Variants in DGLUCY observed in about 807,000 individuals in gnomAD.
DGLUCY encodes D-glutamate cyclase, mitochondrial.
In DGLUCY, 58 loss-of-function variants were observed where a neutral mutation model predicts 58.5. That is an observed-to-expected ratio of 0.99 (90% CI 0.80 to 1.23). DGLUCY has a LOEUF of 1.23. DGLUCY is among the 50% of genes most tolerant of loss of function. The pLI is 0.00. For missense variants in DGLUCY, 779 were observed against 784.7 expected (o/e 0.99, Z 0.09); for synonymous variants, 325 against 314.1 (o/e 1.03, Z -0.37).
At chr14:91,157,119 G>GATGGA (rs1393896750) in intron 1 of DGLUCY, among the ~76,000 whole-genome samples, 1 of 131,054 alleles carries the variant, frequency 7.6e-6, no homozygotes. Flanking sequence ...GGATGGATGG[G>GATGGA]TGGATGGATG....
At chr14:91,182,558 A>G (rs2049247994) in intron 8 of DGLUCY, among the ~76,000 whole-genome samples, 1 of 151,958 alleles carries the variant, frequency 6.6e-6, no homozygotes, top group South Asian at 2.1e-4. Flanking sequence ...TCGGCCTCCC[A>G]AAGTGCTGGG....
chr14:91,118,258 G>A (rs1025038941), intron 1 of DGLUCY, among the ~76,000 whole-genome samples: 1 of 151,800 alleles, frequency 6.6e-6, no homozygotes, highest in Non-Finnish European at 1.5e-5. Context: ...GCTAATTTTT[G>A]TATTTTTAGA....
intron 1 of DGLUCY, among the ~76,000 whole-genome samples, chr14:91,087,648 C>T (rs1326300997): frequency 6.6e-6 from 1 of 152,156 alleles, no homozygotes; most frequent in Non-Finnish European, 1.5e-5. Flanking sequence ...TCTCCTCTGC[C>T]TTTGCCTTTT....
intron 3 of DGLUCY, among the ~76,000 whole-genome samples, chr14:91,160,774 G>A (rs1262169765): frequency 6.6e-6 from 1 of 152,136 alleles, no homozygotes; most frequent in Admixed American, 6.6e-5. Flanking sequence ...TCCTACCCTT[G>A]ACTGGTCTTA....
At chr14:91,172,732 C>T (rs1228096442) in intron 5 of DGLUCY, among the ~76,000 whole-genome samples, 5 of 151,692 alleles carry the variant, frequency 3.3e-5, no homozygotes, top group Middle Eastern at 3.4e-3. Context: ...CTGCAATCTC[C>T]GCCTCCTGGG....
chr14:91,157,063 GTGGATGGA>G (rs146037809), intron 1 of DGLUCY, among the ~76,000 whole-genome samples: 822 of 149,374 alleles, frequency 5.5e-3, no homozygotes, highest in Admixed American at 0.011. Context: ...GGGTGAGTGG[GTGGATGGA>G]TGGATGGATG....
chr14:91,134,355 G>A (rs940032445), intron 1 of DGLUCY, among the ~76,000 whole-genome samples: 42 of 151,788 alleles, frequency 2.8e-4, no homozygotes, highest in African/African-American at 9.4e-4. Context: ...TTCCATAAAC[G>A]ATTTCACATA....
chr14:91,071,983 A>G (rs1385768926), intron 1 of DGLUCY, among the ~76,000 whole-genome samples: 1 of 152,070 alleles, frequency 6.6e-6, no homozygotes, highest in Non-Finnish European at 1.5e-5. Flanking sequence ...ATTTCTAAGC[A>G]TGTAAATTTA....
chr14:91,198,961 C>T (rs1460375642), intron 10 of DGLUCY, among the ~76,000 whole-genome samples: 3 of 152,168 alleles, frequency 2.0e-5, no homozygotes, highest in African/African-American at 7.2e-5. Flanking sequence ...CCATCTGTGC[C>T]CCTTATTTCT....
chr14:91,119,382 C>G (rs1174122336), intron 1 of DGLUCY, among the ~76,000 whole-genome samples: 2 of 152,150 alleles, frequency 1.3e-5, no homozygotes, highest in African/African-American at 4.8e-5. Context: ...CTCTGTTTCC[C>G]TGACCAAATT....
intron 1 of DGLUCY, among the ~76,000 whole-genome samples, chr14:91,121,609 AAATAATAATAATAATAATAAT>A (rs55743510): frequency 5.9e-4 from 84 of 142,796 alleles, no homozygotes; most frequent in African/African-American, 1.9e-3. Context: ...TCCATCTCAA[AAATAATAATAATAATAATAAT>A]AATAATAATA....
chr14:91,120,436 C>T (rs2045278905), intron 1 of DGLUCY, among the ~76,000 whole-genome samples: 2 of 152,308 alleles, frequency 1.3e-5, no homozygotes, highest in Admixed American at 1.3e-4. Context: ...TGGAGTTTCA[C>T]TCTTGTCACC....
intron 1 of DGLUCY, among the ~76,000 whole-genome samples, chr14:91,150,269 A>G (rs1169199572): frequency 1.4e-5 from 2 of 147,326 alleles, no homozygotes; most frequent in Admixed American, 1.4e-4. Flanking sequence ...TGAAGCACCC[A>G]CACAAAACCT....
chr14:91,072,635 A>C (rs555621575), intron 1 of DGLUCY, among the ~76,000 whole-genome samples: 1 of 151,054 alleles, frequency 6.6e-6, no homozygotes, highest in Non-Finnish European at 1.5e-5. Context: ...TGTTTCCAGA[A>C]AGTGAGATTT....
intron 1 of DGLUCY, among the ~76,000 whole-genome samples, chr14:91,087,160 C>T (rs912812947): frequency 6.6e-6 from 1 of 152,136 alleles, no homozygotes; most frequent in Admixed American, 6.6e-5. Context: ...AAAAGCCGAG[C>T]CCCCCAAAAG....
At chr14:91,072,935 G>C (rs754634225) in intron 1 of DGLUCY, among the ~76,000 whole-genome samples, 3 of 152,138 alleles carry the variant, frequency 2.0e-5, no homozygotes, top group Non-Finnish European at 4.4e-5. Context: ...CATGAACCCG[G>C]CAGGCAGAGC....
chr14:91,167,032 G>A (rs1047583081), intron 3 of DGLUCY, among the ~76,000 whole-genome samples, 193 bp from the exon 4 acceptor site: 10 of 151,898 alleles, frequency 6.6e-5, no homozygotes, highest in East Asian at 5.8e-4. Context: ...CCAGCTACTC[G>A]GGGGGCTGAG....
intron 1 of DGLUCY, among the ~76,000 whole-genome samples, chr14:91,068,117 C>CA (rs2043858511): frequency 1.9e-5 from 2 of 107,174 alleles, no homozygotes; most frequent in Non-Finnish European, 4.3e-5. Context: ...ACACACACAC[C>CA]CCTTGCATTC....
chr14:91,215,454 G>T lies in DGLUCY; in HGVS notation c.1614G>T (p.Leu538=). 2 of 1,614,194 alleles carry T rather than the reference G, an allele frequency of 1.2e-6. No individual in the cohort carries two copies. Among genetic ancestry groups the T allele is most frequent in the African/African-American group, 1.3e-5 (1 of 75,048 alleles). ...GYALACALYI[L]YSCAVHSQYL... is the part of the protein sequence containing the mutation. ...CCCTGGCCTGCGCACTCTACATCCT[G>T]TACTCATGTGCTGTCCACAGTCAGT... The change falls in exon 13 of 14, where the codon CTG becomes CTT. Residue 538 remains leucine (L), a synonymous_variant. Coordinates refer to ENST00000256324, the MANE Select transcript of DGLUCY (RefSeq NM_001102368.3).
Sources: allele counts gnomAD v4.1 joint callset (sites outside exome capture counted in the v4.1 genomes callset), GRCh38; gene constraint gnomAD v4.1.1; transcripts MANE v1.5; gene names NCBI Gene and HGNC (gene_info 2026-07-23, HGNC 2026-07-21).